TENM3: variants seen among roughly 807,000 people sequenced by gnomAD.
The protein encoded by TENM3 is teneurin-3.
In TENM3, 63 loss-of-function variants were observed where a neutral mutation model predicts 255.1. The ratio of observed to expected loss-of-function variants is 0.25; its 90% CI spans 0.20 to 0.30. The LOEUF is 0.30. TENM3 is among the 10% of genes least tolerant of loss of function. The pLI, the probability that TENM3 is intolerant of heterozygous loss-of-function variation, is 1.00. For synonymous variants in TENM3, 1,306 were observed against 1,322.3 expected (o/e 0.99, Z 0.27); for missense variants, 2,929 against 3,461.1 (o/e 0.85, Z 3.86).
At chr4:181,725,420 C>T in the TENM3 span, among the ~76,000 whole-genome samples, 27 of 133,734 alleles carry the variant, frequency 2.0e-4, no homozygotes, top group South Asian at 7.1e-4. Context: ...CTTTTTCTTT[C>T]TTTTTTTTTT....
the TENM3 span, among the ~76,000 whole-genome samples, chr4:181,552,995 C>T: frequency 6.6e-6 from 1 of 152,260 alleles, no homozygotes; most frequent in South Asian, 2.1e-4. Flanking sequence ...TTTCTGACTC[C>T]CTTCTAGGCC....
the TENM3 span, among the ~76,000 whole-genome samples, chr4:181,685,255 A>C: frequency 6.6e-6 from 1 of 152,046 alleles, no homozygotes; most frequent in African/African-American, 2.4e-5. Context: ...TTTAGTCCTA[A>C]TGTTACAAAA....
chr4:182,189,892 G>A lies in TENM3; in HGVS notation c.-76+45138G>A, dbSNP rs556932672. 2.0e-5 allele frequency among the ~76,000 whole-genome samples: 3 copies of A among 152,292 alleles called. No individual in the cohort carries two copies. In the South Asian group the frequency reaches 6.2e-4, roughly 32 times the overall value. On this transcript the variant is annotated intron_variant, in intron 1 of 2. Coordinates refer to the TENM3 transcript ENST00000512480. ...ATTTAGAGCCAAATTTATGCGTAAG[G>A]CAGACATCTGCATCTTTGAAAATAC... is the stretch of plus-strand genomic sequence containing the variant.
chr4:181,790,500 C>G, the TENM3 span, among the ~76,000 whole-genome samples: 1 of 151,954 alleles, frequency 6.6e-6, no homozygotes, highest in Non-Finnish European at 1.5e-5. Context: ...TGGTTAGAGT[C>G]AAGAAGTCCA....
intron 11 of TENM3, among the ~76,000 whole-genome samples, chr4:182,687,780 A>G (rs1046188203): frequency 2.6e-5 from 4 of 152,130 alleles, no homozygotes; most frequent in African/African-American, 4.8e-5. Flanking sequence ...GAAATATTTC[A>G]TTAATTTGGG....
the TENM3 span, among the ~76,000 whole-genome samples, chr4:181,523,954 CT>C: frequency 6.6e-6 from 1 of 151,932 alleles, no homozygotes; most frequent in African/African-American, 2.4e-5. Flanking sequence ...TGTTGGTTTC[CT>C]TTTTTTTAAG....
chr4:181,578,957 C>G, the TENM3 span, among the ~76,000 whole-genome samples: 1 of 152,138 alleles, frequency 6.6e-6, no homozygotes, highest in Non-Finnish European at 1.5e-5. Context: ...GCCCCTCACA[C>G]ATGCAAACCG....
At chr4:182,246,619 C>A (rs987718284) in intron 1 of TENM3, among the ~76,000 whole-genome samples, 1 of 152,172 alleles carries the variant, frequency 6.6e-6, no homozygotes, top group African/African-American at 2.4e-5. Flanking sequence ...CCGTATGTGA[C>A]AAAGACACGG....
intron 3 of TENM3, among the ~76,000 whole-genome samples, chr4:182,546,170 G>A (rs1355896003): frequency 6.6e-6 from 1 of 152,198 alleles, no homozygotes; most frequent in Non-Finnish European, 1.5e-5. Flanking sequence ...GAGGGAACAG[G>A]AAGGGTTGGT....
the TENM3 span, among the ~76,000 whole-genome samples, chr4:181,856,048 G>A: frequency 4.0e-4 from 8 of 20,096 alleles, no homozygotes; most frequent in Admixed American, 1.7e-3. Flanking sequence ...AAGGAAGGAA[G>A]GAAAGGGAAA....
chr4:182,142,855 ACCCG>A (rs1479224142), upstream of TENM3: 1 of 166,846 alleles, frequency 6.0e-6, no homozygotes, highest in Non-Finnish European at 1.5e-5. Context: ...CCCGTCCCGG[ACCCG>A]AAAGGAGCCT....
At chr4:182,236,313 G>C (rs1343440501) in intron 1 of TENM3, among the ~76,000 whole-genome samples, 1 of 152,170 alleles carries the variant, frequency 6.6e-6, no homozygotes, top group African/African-American at 2.4e-5. Context: ...CCTCCTGATA[G>C]ACAGCTTTCT....
chr4:181,673,944 C>A, the TENM3 span, among the ~76,000 whole-genome samples: 2 of 151,462 alleles, frequency 1.3e-5, no homozygotes, highest in Non-Finnish European at 2.9e-5. Context: ...AGGTTGCAGT[C>A]TTCTAAAGCA....
At chr4:182,123,419 G>C in the TENM3 span, among the ~76,000 whole-genome samples, 5 of 152,172 alleles carry the variant, frequency 3.3e-5, no homozygotes, top group African/African-American at 1.2e-4. Context: ...ATGTAAGTGA[G>C]AGATGTGCAA....
intron 4 of TENM3, among the ~76,000 whole-genome samples, chr4:182,627,822 C>T (rs1034832990): frequency 3.9e-5 from 6 of 151,994 alleles, no homozygotes; most frequent in Non-Finnish European, 8.8e-5. Flanking sequence ...TGTGACCACA[C>T]AATTTCTGCT....
intron 3 of TENM3, among the ~76,000 whole-genome samples, chr4:182,419,580 T>C (rs891151611): frequency 6.6e-5 from 10 of 152,182 alleles, no homozygotes; most frequent in African/African-American, 2.4e-4. Context: ...CATATGTTTA[T>C]TGGAGCACTA....
chr4:182,312,818 G>T (rs1762531694), intron 1 of TENM3, among the ~76,000 whole-genome samples: 1 of 152,164 alleles, frequency 6.6e-6, no homozygotes, highest in Admixed American at 6.5e-5. Context: ...CTGCAAGCTT[G>T]GAAAGCTGCA....
chr4:181,810,225 A>G, the TENM3 span, among the ~76,000 whole-genome samples: 7 of 152,306 alleles, frequency 4.6e-5, no homozygotes, highest in East Asian at 1.4e-3. Context: ...TTTTGTACTT[A>G]CCAGTTATTT....
chr4:181,457,476 C>T, the TENM3 span, among the ~76,000 whole-genome samples: 19 of 151,864 alleles, frequency 1.3e-4, no homozygotes, highest in Middle Eastern at 3.4e-3. Flanking sequence ...AACCCTGTCA[C>T]TTCAGGGGAA....
Sources: allele counts gnomAD v4.1 joint callset (sites outside exome capture counted in the v4.1 genomes callset), GRCh38; gene constraint gnomAD v4.1.1; transcripts MANE v1.5; gene names NCBI Gene and HGNC (gene_info 2026-07-23, HGNC 2026-07-21).